Variants in PLXNA4 observed in about 807,000 individuals in gnomAD.
PLXNA4 encodes plexin A4.
PLXNA4 carries 44 observed loss-of-function variants against 191.8 expected under a neutral mutation model. The observed-to-expected ratio is 0.23, with a 90% CI of 0.18 to 0.29. The LOEUF (loss-of-function observed/expected upper bound fraction) is 0.29, where lower values mean the gene tolerates loss of function less well. PLXNA4 is among the 10% of genes least tolerant of loss of function. The pLI, the probability that PLXNA4 is intolerant of heterozygous loss-of-function variation, is 1.00. For synonymous variants in PLXNA4, 1,082 were observed against 1,009.5 expected, an observed-to-expected ratio of 1.07 and a Z score of -1.36; for missense variants, 1,800 against 2,488.8, an observed-to-expected ratio of 0.72 and a Z score of 5.89.
intron 3 of PLXNA4, among the ~76,000 whole-genome samples, chr7:132,458,192 G>A (rs1796377611): frequency 2.6e-5 from 4 of 151,740 alleles, no homozygotes; most frequent in Admixed American, 1.3e-4. Flanking sequence ...GCTATTTTCT[G>A]GTGAGGATAT....
chr7:132,412,588 T>G (rs1794503952), intron 3 of PLXNA4, among the ~76,000 whole-genome samples: 1 of 152,208 alleles, frequency 6.6e-6, no homozygotes, highest in African/African-American at 2.4e-5. Context: ...TTTAATATAA[T>G]AAGATCTTCC....
At chr7:132,563,367 TC>T in intron 1 of PLXNA4, among the ~76,000 whole-genome samples, 1 of 107,718 alleles carries the variant, frequency 9.3e-6, no homozygotes, top group Non-Finnish European at 1.9e-5. Context: ...CTTCTCCTCC[TC>T]CTCCTCCTTC....
rs56378904 is a variant in PLXNA4, at chr7:132,214,269, T to C, written c.2098-3126A>G. 9.7e-3 allele frequency among the ~76,000 whole-genome samples: 1,470 copies of C among 152,232 alleles called. 31 individuals carry two copies. Among genetic ancestry groups the C allele is most frequent in the African/African-American group, 0.033 (1,389 of 41,540 alleles). Reference sequence around the variant, plus strand: ...AAGACATGGGGAGCAGCAAAACCTGTCTCCCACGTCCCCTGTAAGATTCTT... The same window carrying C: ...AAGACATGGGGAGCAGCAAAACCTGCCTCCCACGTCCCCTGTAAGATTCTT... On this transcript the variant is annotated intron_variant, in intron 9 of 31. Transcript: ENST00000321063.
intron 2 of PLXNA4, among the ~76,000 whole-genome samples, chr7:132,503,380 G>A (rs1379009496): frequency 6.6e-6 from 1 of 152,198 alleles, no homozygotes; most frequent in Non-Finnish European, 1.5e-5. Flanking sequence ...GTTGCCCCAG[G>A]AAGGTGAAGA....
At chr7:132,510,533 C>T (rs932521863) in intron 1 of PLXNA4, among the ~76,000 whole-genome samples, 4 of 152,196 alleles carry the variant, frequency 2.6e-5, no homozygotes, top group Admixed American at 2.0e-4. Context: ...AGCAGATCCT[C>T]AACGAATGCG....
intron 28 of PLXNA4, chr7:132,145,552 G>A (rs1795395287): frequency 2.1e-6 from 1 of 475,798 alleles, no homozygotes; most frequent in Non-Finnish European, 3.8e-6. Flanking sequence ...ACACGGTTTG[G>A]TTGAACACCC....
rs547924389 is a variant in PLXNA4, at chr7:132,576,090, C to T, written c.-87+332G>A. On this transcript the variant is annotated intron_variant, in intron 1 of 31. Transcript: ENST00000321063. This position sits in a 1 kb window ranked among gnomAD's most constrained non-coding sequence, Gnocchi z 5.8. ...GCTGAAAAATTGCTCCCTCAACCTC[C>T]CCGGGTGGGAGGCAGAGCCGGGAAT... is the stretch of plus-strand genomic sequence containing the variant. 2.6e-5 allele frequency among the ~76,000 whole-genome samples: 4 copies of T among 152,312 alleles called. No individual in the cohort carries two copies. The highest frequency in any genetic ancestry group is 2.0e-4 in the Admixed American group (3 of 15,308).
rs374180160 is a variant in PLXNA4, at chr7:132,592,067, G to T, written c.-87+53861C>A. ...GCAAAGCCAGCCAGAGAGGTGACCCGCCAGCTCATGAGGTGAAAGTCCCCT... is the reference window on the plus strand; with the variant it reads ...GCAAAGCCAGCCAGAGAGGTGACCCTCCAGCTCATGAGGTGAAAGTCCCCT... On this transcript the variant is annotated intron_variant, in intron 2 of 4. Transcript: ENST00000378539. Among the ~76,000 whole-genome samples, 17 of 152,256 alleles carry T rather than the reference G, an allele frequency of 1.1e-4. No individual in the cohort carries two copies. The East Asian group carries it at 2.1e-3, about 19-fold the overall frequency.
At chr7:132,602,437 T>C (rs1444203909) in intron 2 of PLXNA4, among the ~76,000 whole-genome samples, 1 of 152,206 alleles carries the variant, frequency 6.6e-6, no homozygotes, top group Non-Finnish European at 1.5e-5. Context: ...CCAGCTCCTT[T>C]ATGGCCCCGT....
At chr7:132,419,233 T>C (rs944644775) in intron 3 of PLXNA4, among the ~76,000 whole-genome samples, 1 of 152,226 alleles carries the variant, frequency 6.6e-6, no homozygotes, top group African/African-American at 2.4e-5. Context: ...CATCGTGTCC[T>C]GGGCAGAGGA....
intron 3 of PLXNA4, among the ~76,000 whole-genome samples, chr7:132,391,623 TACCCAGCAG>T: frequency 6.6e-6 from 1 of 152,088 alleles, no homozygotes; most frequent in Middle Eastern, 3.4e-3. Flanking sequence ...AACCCCAGGC[TACCCAGCAG>T]GGGTGGACAG....
chr7:132,318,877 A>T (rs561313189), intron 3 of PLXNA4, among the ~76,000 whole-genome samples: 1 of 151,134 alleles, frequency 6.6e-6, no homozygotes, highest in South Asian at 2.1e-4. Context: ...CTGGTCTTTA[A>T]CAAGTGTGGA....
At chr7:132,403,989 G>A (rs183137789) in intron 3 of PLXNA4, among the ~76,000 whole-genome samples, 14 of 152,300 alleles carry the variant, frequency 9.2e-5, no homozygotes, top group Admixed American at 6.5e-4. Flanking sequence ...GCCGGATAAC[G>A]GGTCTGTAGT....
At chr7:132,552,374 G>C (rs945215980) in intron 1 of PLXNA4, among the ~76,000 whole-genome samples, 2 of 152,158 alleles carry the variant, frequency 1.3e-5, no homozygotes, top group African/African-American at 4.8e-5. Context: ...GGAGTTATTT[G>C]TTTGGGGCTC....
At chr7:132,300,966 G>T (rs1801282402) in intron 3 of PLXNA4, among the ~76,000 whole-genome samples, 1 of 152,196 alleles carries the variant, frequency 6.6e-6, no homozygotes. Flanking sequence ...TGAGGGGTTT[G>T]CTGGGTGTGG....
chr7:132,638,280 T>A (rs1803648514), intron 2 of PLXNA4, among the ~76,000 whole-genome samples: 1 of 152,202 alleles, frequency 6.6e-6, no homozygotes, highest in Non-Finnish European at 1.5e-5. Flanking sequence ...CATGAGCAGA[T>A]CAACACACAT....
chr7:132,257,042 G>C (rs1028474238), intron 4 of PLXNA4, among the ~76,000 whole-genome samples: 1 of 152,232 alleles, frequency 6.6e-6, no homozygotes, highest in Non-Finnish European at 1.5e-5. Flanking sequence ...CACAGGTTGG[G>C]AGGGGTTAAG....
In PLXNA4 at chr7:132,417,182, T is replaced by C. The variant is rs78734798; in HGVS notation, c.1371+72110A>G. On this transcript the variant is annotated intron_variant, in intron 3 of 31. Coordinates refer to ENST00000321063, the MANE Select transcript of PLXNA4 (RefSeq NM_020911.2). ...CTTTGCGTGAGGCCAATCCATCCTCTTGACAGCTCACTTACCACGGACCAG... is the reference window on the plus strand; with the variant it reads ...CTTTGCGTGAGGCCAATCCATCCTCCTGACAGCTCACTTACCACGGACCAG... Among the ~76,000 whole-genome samples the C allele has an allele frequency of 4.9e-3, 748 of 152,238 alleles. 6 individuals are homozygous for C. Among genetic ancestry groups the C allele is most frequent in the African/African-American group, 0.017 (712 of 41,556 alleles).
At chr7:132,163,581 G>GT (rs1164188686) in intron 24 of PLXNA4, among the ~76,000 whole-genome samples, 1 of 152,192 alleles carries the variant, frequency 6.6e-6, no homozygotes, top group Non-Finnish European at 1.5e-5. Context: ...TAGGGTAGCT[G>GT]TTTTTGTCAG....
Sources: gnomAD v4.1 joint callset for allele counts (sites outside exome capture counted in the v4.1 genomes callset) on GRCh38, gnomAD v4.1.1 for gene constraint, Gnocchi (gnomAD v3.1) non-coding constraint, MANE v1.5 for transcripts, NCBI Gene and HGNC (gene_info 2026-07-23, HGNC 2026-07-21) for gene names.